The following ADAR variants were observed in gnomAD, a reference collection of about 807,000 sequenced individuals.
ADAR encodes the protein double-stranded RNA-specific adenosine deaminase.
Under a neutral mutation model 113.2 loss-of-function variants are expected in ADAR, and 41 were observed. The ratio of observed to expected loss-of-function variants is 0.36; its 90% CI spans 0.28 to 0.47. The LOEUF (loss-of-function observed/expected upper bound fraction) is 0.47, where lower values mean the gene tolerates loss of function less well. ADAR is among the 20% of genes least tolerant of loss of function. The pLI is 1.00. For missense variants in ADAR, 1,242 were observed against 1,540.9 expected, an observed-to-expected ratio of 0.81 and a Z score of 3.25; for synonymous variants, 605 against 572.6, an observed-to-expected ratio of 1.06 and a Z score of -0.81.
intron 9 of ADAR, 84 bp from the exon 10 acceptor site, chr1:154,588,757 A>T (rs1696933003): frequency 6.4e-7 from 1 of 1,567,130 alleles, no homozygotes; most frequent in South Asian, 1.1e-5. Flanking sequence ...CAAATGAGAA[A>T]GTAAGGAAAA....
chr1:154,601,481 T>G lies in ADAR; in HGVS notation c.1161A>C (p.Ala387=), dbSNP rs1697866964. 2.5e-6 allele frequency: 4 copies of G among 1,614,106 alleles called. No homozygotes were observed. The highest frequency in any genetic ancestry group is 3.4e-6 in the Non-Finnish European group (4 of 1,180,050). ...TGGGTATATTACAGGTGAGGAACTCTGCGTTTCTTTTGGTCTCAGGGATTG... is the reference window on the plus strand; with the variant it reads ...TGGGTATATTACAGGTGAGGAACTCGGCGTTTCTTTTGGTCTCAGGGATTG... ...PAAIPETKRN[A]EFLTCNIPTS... Residue 387 remains alanine, a synonymous_variant, in exon 2 of 15, where the codon GCA becomes GCC. Coordinates refer to ENST00000368474, the MANE Select transcript of ADAR (RefSeq NM_001111.5). This position sits in a 1 kb window ranked among gnomAD's most constrained non-coding sequence, Gnocchi z 4.7.
chr1:154,592,051 T>C (rs1697183956), intron 6 of ADAR, among the ~76,000 whole-genome samples: 1 of 152,218 alleles, frequency 6.6e-6, no homozygotes, highest in African/African-American at 2.4e-5. Context: ...ACATATATGA[T>C]AAAGTTTGTT....
intron 1 of ADAR, among the ~76,000 whole-genome samples, chr1:154,615,552 G>A (rs1698611191): frequency 6.6e-6 from 1 of 152,096 alleles, no homozygotes; most frequent in Admixed American, 6.6e-5. Flanking sequence ...TGGGACTACA[G>A]GCACATACCA....
At chr1:154,627,913 G>GGCCCCCCCCCCCCCCCCC in exon 1 of ADAR, 2 of 517,164 alleles carry the variant, frequency 3.9e-6, no homozygotes, top group Non-Finnish European at 7.7e-6. Context: ...GTGCGGCCGC[G>GGCCCCCCCCCCCCCCCCC]ACCCTCCCCC....
At position 154,614,548 on chromosome 1, in the gene ADAR, C is replaced by T. The variant is rs79932988; in HGVS notation, c.-870-11922G>A. Among the ~76,000 whole-genome samples, 831 of 152,358 alleles carry T rather than the reference C, an allele frequency of 5.5e-3. 5 individuals are homozygous for T. Among genetic ancestry groups the T allele is most frequent in the African/African-American group, 0.019 (795 of 41,576 alleles). ...TGGGCAGGCTCAAGGCAGCCACTGCCCTGCCTTCTGCAGTGTTTCTCAGGG... is the reference window on the plus strand; with the variant it reads ...TGGGCAGGCTCAAGGCAGCCACTGCTCTGCCTTCTGCAGTGTTTCTCAGGG... On this transcript the variant is annotated intron_variant, in intron 1 of 14. Transcript: ENST00000368471.
At chr1:154,585,066 T>G (rs1478065126) in intron 14 of ADAR, 23 bp from the exon 15 acceptor site, 1 of 1,612,974 alleles carries the variant, frequency 6.2e-7, no homozygotes, top group Non-Finnish European at 8.5e-7. Context: ...AAGCACTCAT[T>G]ATTCACCTGG....
chr1:154,588,063 T>C lies in ADAR; in HGVS notation c.3019+62A>G. The stretch of plus-strand genomic sequence containing the variant: ...AAAATCCTAGCAGCCTTGTAGAGAC[T>C]TGGGGTCCCTGGACCTTGCAGAGCC... On this transcript the variant is annotated intron_variant, in intron 11 of 14. Coordinates refer to ENST00000368474, the MANE Select transcript of ADAR (RefSeq NM_001111.5). 7 of 1,607,848 alleles carry C rather than the reference T, an allele frequency of 4.4e-6. No individual in the cohort carries two copies. In the South Asian group the frequency reaches 5.5e-5, roughly 13 times the overall value.
intron 4 of ADAR, among the ~76,000 whole-genome samples, chr1:154,597,617 G>A (rs1697585234): frequency 6.6e-6 from 1 of 152,182 alleles, no homozygotes; most frequent in African/African-American, 2.4e-5. Context: ...GCTTATAGAG[G>A]AGATAGAGGG....
chr1:154,597,330 C>T, intron 4 of ADAR, 63 bp from the exon 5 acceptor site: 1 of 1,595,154 alleles, frequency 6.3e-7, no homozygotes. Context: ...CTGACCTAGC[C>T]TCTGCCAGGC....
intron 13 of ADAR, 131 bp downstream of exon 13, chr1:154,585,622 G>T: frequency 1.1e-6 from 1 of 929,872 alleles, no homozygotes; most frequent in East Asian, 2.6e-5. Context: ...GGGCCACTGT[G>T]GGCAATGTTC....
At chr1:154,607,054 G>A (rs922115794) in intron 1 of ADAR, among the ~76,000 whole-genome samples, 5 of 151,804 alleles carry the variant, frequency 3.3e-5, no homozygotes, top group African/African-American at 4.8e-5. Flanking sequence ...CCACAATCAA[G>A]ATATAGAACA....
At chr1:154,614,735 G>T (rs1484692552) in intron 1 of ADAR, among the ~76,000 whole-genome samples, 2 of 152,142 alleles carry the variant, frequency 1.3e-5, no homozygotes, top group Non-Finnish European at 2.9e-5. Flanking sequence ...CTTCTTAATA[G>T]AATTTAGAGG....
chr1:154,627,913 G>GGCCCCCCCCCCCCCCCCCCCCCCCC, exon 1 of ADAR: 4 of 517,160 alleles, frequency 7.7e-6, no homozygotes, highest in South Asian at 1.4e-5. Context: ...GTGCGGCCGC[G>GGCCCCCCCCCCCCCCCCCCCCCCCC]ACCCTCCCCC....
intron 2 of ADAR, among the ~76,000 whole-genome samples, chr1:154,599,804 G>A (rs941059134): frequency 2.6e-5 from 4 of 152,224 alleles, no homozygotes; most frequent in African/African-American, 9.6e-5. Context: ...ATCTGAGTGA[G>A]GTAAAGGCTG....
intron 1 of ADAR, chr1:154,605,959 G>T: frequency 1.1e-6 from 1 of 939,478 alleles, no homozygotes; most frequent in Non-Finnish European, 1.3e-6. Flanking sequence ...TCTGTCTATA[G>T]AAGAATTAAA....
In ADAR at chr1:154,602,742, A is replaced by G; in HGVS notation, c.16-116T>C. 2.3e-6 allele frequency: 3 copies of G among 1,321,654 alleles called. No homozygotes were observed. In the South Asian group the frequency reaches 4.0e-5, roughly 18 times the overall value. 81.9% of individuals were successfully genotyped at this position (1,321,654 alleles called of 1,614,324 possible). The stretch of plus-strand genomic sequence containing the variant: ...CCTTGAAGGGCTGAGAAGGCAATTG[A>G]GCCATGGGCTTATGACTTGGCTAGG... On this transcript the variant is annotated intron_variant, in intron 1 of 14. Transcript: ENST00000368474.
chr1:154,585,392 TAA>T (rs1696688811), intron 13 of ADAR, 48 bp from the exon 14 acceptor site: 6 of 1,613,180 alleles, frequency 3.7e-6, no homozygotes, highest in Non-Finnish European at 5.1e-6. Context: ...CTTTCAGGAA[TAA>T]GATTCTGAAG....
At position 154,598,108 on chromosome 1, in the gene ADAR, G is replaced by C. The variant is rs546357058; in HGVS notation, c.1786-132C>G. ...GGGGTTGGCTTCCCAAAGTTAAAGG[G>C]GCTGCTGGAGCTCTCATTCCGCATC... On this transcript the variant is annotated intron_variant, in intron 3 of 14. Coordinates refer to ENST00000368474, the MANE Select transcript of ADAR (RefSeq NM_001111.5). The C allele has an allele frequency of 2.8e-6, 3 of 1,075,268 alleles. No individual in the cohort carries two copies. The East Asian group carries it at 7.7e-5, about 28-fold the overall frequency. 66.6% of individuals were successfully genotyped at this position (1,075,268 alleles called of 1,614,324 possible). A position where few individuals can be genotyped will look rare whatever the true frequency, so the allele number is the denominator to read the frequency against.
chr1:154,627,918 T>TCCCCCCCCCCCCCCCCCCCCCCCCCCC, exon 1 of ADAR: 2 of 399,614 alleles, frequency 5.0e-6, no homozygotes, highest in Non-Finnish European at 9.8e-6. Context: ...GCCGCGACCC[T>TCCCCCCCCCCCCCCCCCCCCCCCCCCC]CCCCCCACCC....
Sources: gnomAD v4.1 joint callset for allele counts (sites outside exome capture counted in the v4.1 genomes callset) on GRCh38, gnomAD v4.1.1 for gene constraint, Gnocchi (gnomAD v3.1) non-coding constraint, MANE v1.5 for transcripts, NCBI Gene and HGNC (gene_info 2026-07-23, HGNC 2026-07-21) for gene names.